ZFHX3: variants seen among roughly 807,000 people sequenced by gnomAD.
ZFHX3 encodes the protein zinc finger homeobox 3.
Under a neutral mutation model 279.1 loss-of-function variants are expected in ZFHX3, and 42 were observed. That is an observed-to-expected ratio of 0.15 (90% CI 0.12 to 0.19). ZFHX3 has a LOEUF of 0.19. ZFHX3 is among the 10% of genes least tolerant of loss of function. ZFHX3 has a pLI of 1.00. For synonymous variants in ZFHX3, 2,293 were observed against 1,957.8 expected, an observed-to-expected ratio of 1.17 and a Z score of -4.52; for missense variants, 4,981 against 4,754.0, an observed-to-expected ratio of 1.05 and a Z score of -1.40.
At chr16:73,675,373 A>T (rs1446146375) in intron 2 of ZFHX3, among the ~76,000 whole-genome samples, 5 of 152,164 alleles carry the variant, frequency 3.3e-5, no homozygotes, top group African/African-American at 1.2e-4. Context: ...GATAAAAATT[A>T]TCAGTGAAGA....
At chr16:73,666,341 A>G (rs2052842397) in intron 2 of ZFHX3, among the ~76,000 whole-genome samples, 1 of 151,984 alleles carries the variant, frequency 6.6e-6, no homozygotes, top group South Asian at 2.1e-4. Flanking sequence ...AAATAATTAA[A>G]CCTTCTAAAA....
chr16:73,611,867 A>G (rs1225437547), intron 2 of ZFHX3, among the ~76,000 whole-genome samples: 1 of 152,232 alleles, frequency 6.6e-6, no homozygotes, highest in Non-Finnish European at 1.5e-5. Flanking sequence ...TTCTTTCTAA[A>G]TATTTTAAAT....
chr16:73,303,909 T>C (rs1200398613), intron 4 of ZFHX3, among the ~76,000 whole-genome samples: 4 of 139,866 alleles, frequency 2.9e-5, no homozygotes, highest in African/African-American at 1.1e-4. Context: ...ACATTGGCTC[T>C]GAATCACTAA....
chr16:73,854,242 T>C (rs1199481685), intron 1 of ZFHX3, among the ~76,000 whole-genome samples: 2 of 152,280 alleles, frequency 1.3e-5, no homozygotes, highest in Non-Finnish European at 2.9e-5. Flanking sequence ...ATAGTACACA[T>C]CGGCTGGGCA....
intron 1 of ZFHX3, among the ~76,000 whole-genome samples, chr16:73,035,323 T>G (rs1171961971): frequency 6.6e-6 from 1 of 152,210 alleles, no homozygotes; most frequent in African/African-American, 2.4e-5. Context: ...CTACGTGGCT[T>G]ACACTGTATT....
At chr16:73,196,859 T>G (rs992888788) in intron 5 of ZFHX3, among the ~76,000 whole-genome samples, 5 of 152,174 alleles carry the variant, frequency 3.3e-5, no homozygotes, top group African/African-American at 1.2e-4. Flanking sequence ...TGAAAGGCAC[T>G]AAGTGGCATT....
intron 3 of ZFHX3, among the ~76,000 whole-genome samples, chr16:73,441,785 A>T (rs1208742962): frequency 6.6e-6 from 1 of 152,164 alleles, no homozygotes; most frequent in Non-Finnish European, 1.5e-5. Context: ...ACCCTCTCTG[A>T]GTCTCAGTGT....
chr16:73,871,069 G>C lies in ZFHX3; in HGVS notation c.-1608+20582C>G, dbSNP rs568025363. Among the ~76,000 whole-genome samples, 77 of 152,302 alleles carry C rather than the reference G, an allele frequency of 5.1e-4. 1 individual carries two copies. Among genetic ancestry groups the C allele is most frequent in the African/African-American group, 1.8e-3 (75 of 41,574 alleles). On this transcript the variant is annotated intron_variant, in intron 1 of 17. Transcript: ENST00000641206. The stretch of plus-strand genomic sequence containing the variant: ...AGACTTTCGTGGGTCAGACGGATGA[G>C]AATAGGTATCCCAAATCAATAGTGT...
intron 3 of ZFHX3, among the ~76,000 whole-genome samples, chr16:73,379,344 C>G (rs985709068): frequency 2.0e-5 from 3 of 152,000 alleles, no homozygotes; most frequent in Non-Finnish European, 4.4e-5. Flanking sequence ...GCACAGGCCC[C>G]AATCTATCAC....
chr16:72,931,428 C>T (rs1350715744), intron 3 of ZFHX3, among the ~76,000 whole-genome samples: 1 of 142,920 alleles, frequency 7.0e-6, no homozygotes, highest in Non-Finnish European at 1.6e-5. Context: ...CACACACACA[C>T]ACACACACAC....
chr16:73,460,056 C>T (rs953619611), intron 2 of ZFHX3, among the ~76,000 whole-genome samples: 1 of 152,162 alleles, frequency 6.6e-6, no homozygotes, highest in African/African-American at 2.4e-5. Context: ...TTGATACTGT[C>T]AAGATACAGA....
At chr16:73,096,205 G>A (rs763332187) in intron 7 of ZFHX3, among the ~76,000 whole-genome samples, 20 of 151,924 alleles carry the variant, frequency 1.3e-4, no homozygotes, top group Non-Finnish European at 2.9e-4. Context: ...CCCGAATTGG[G>A]CTCCTATAAC....
At chr16:72,829,446 G>T (rs1051949569) in intron 5 of ZFHX3, 8 of 264,126 alleles carry the variant, frequency 3.0e-5, no homozygotes, top group African/African-American at 1.3e-4. Context: ...AGGGCATTTT[G>T]GTGAAGAGCC....
Position 72,797,036 on chromosome 16 carries a change from G to T in ZFHX3, c.5646C>A (p.Ile1882=). ...QHPEKKNKLV[I]KEKEKESQRE... is the part of the protein sequence containing the mutation. Reference sequence around the variant, plus strand: ...TCTGGCTTTCTTTTTCCTTTTCTTTGATGACCAATTTGTTCTTCTTTTCGG... The same window carrying T: ...TCTGGCTTTCTTTTTCCTTTTCTTTTATGACCAATTTGTTCTTCTTTTCGG... The change falls in exon 9 of 10, where the codon ATC becomes ATA. Residue 1882 remains isoleucine, a synonymous_variant. Transcript: ENST00000268489. The T allele has an allele frequency of 6.2e-7, 1 of 1,613,906 alleles. No individual in the cohort carries two copies. Among genetic ancestry groups the T allele is most frequent in the Non-Finnish European group, 8.5e-7 (1 of 1,179,980 alleles).
chr16:73,585,311 G>A (rs1246554921), intron 2 of ZFHX3, among the ~76,000 whole-genome samples: 2 of 152,208 alleles, frequency 1.3e-5, no homozygotes, highest in African/African-American at 4.8e-5. Flanking sequence ...AGCTACTGGG[G>A]AGGCTGAGGC....
chr16:72,854,714 A>C (rs2037705776), intron 4 of ZFHX3, among the ~76,000 whole-genome samples: 1 of 152,072 alleles, frequency 6.6e-6, no homozygotes, highest in Non-Finnish European at 1.5e-5. Flanking sequence ...AGTGCAATTA[A>C]ATCCTTGAAA....
At chr16:73,451,879 T>G (rs2018286479) in intron 3 of ZFHX3, among the ~76,000 whole-genome samples, 1 of 152,242 alleles carries the variant, frequency 6.6e-6, no homozygotes, top group Non-Finnish European at 1.5e-5. Context: ...AACACCGTCA[T>G]TTTGAGCCCA....
chr16:73,116,264 G>A (rs556559376), intron 7 of ZFHX3, among the ~76,000 whole-genome samples: 1 of 152,272 alleles, frequency 6.6e-6, no homozygotes, highest in African/African-American at 2.4e-5. Flanking sequence ...GGGTTGAGTG[G>A]GTGGGTGGCG....
chr16:73,410,948 T>G (rs1224529497), intron 3 of ZFHX3, among the ~76,000 whole-genome samples: 1 of 152,134 alleles, frequency 6.6e-6, no homozygotes, highest in Non-Finnish European at 1.5e-5. Flanking sequence ...CACCGAATAA[T>G]CAAAATGCCA....
Sources: allele counts gnomAD v4.1 joint callset (sites outside exome capture counted in the v4.1 genomes callset), GRCh38; gene constraint gnomAD v4.1.1; transcripts MANE v1.5; gene names NCBI Gene and HGNC (gene_info 2026-07-23, HGNC 2026-07-21).